DICER1: variants seen among roughly 807,000 people sequenced by gnomAD.
The protein encoded by DICER1 is dicer 1, ribonuclease III.
In DICER1, 43 loss-of-function variants were observed where a neutral mutation model predicts 194.1. That is an observed-to-expected ratio of 0.22 (90% confidence interval 0.17 to 0.29). The LOEUF is 0.29. Among genes scored for constraint, DICER1 ranks in the 10% least tolerant of loss-of-function variants. The probability of loss-of-function intolerance (pLI) is 1.00; values close to 1 mark genes in which losing one functional copy is unlikely to be tolerated. For synonymous variants in DICER1, 832 were observed against 820.5 expected (o/e 1.01, Z -0.24); for missense variants, 1,608 against 2,317.0 (o/e 0.69, Z 6.28).
rs761038319 is a variant in DICER1, at chr14:95,096,306, G to A, written c.4614C>T (p.Asp1538=). ...CGTAAGAAATGGACTGCTTTCCCGT[G>A]TCAACACCACAGTTTTCTTCTGATG... ...WNPSEENCGV[D]TGKQSISYDL... Residue 1538 remains aspartate, a synonymous_variant, in exon 23 of 27, where the codon GAC becomes GAT. Transcript: ENST00000343455. 2.5e-6 allele frequency: 4 copies of A among 1,614,150 alleles called. No homozygotes were observed. Among genetic ancestry groups the A allele is most frequent in the East Asian group, 2.2e-5 (1 of 44,884 alleles).
chr14:95,104,765 G>A (rs1891257034), intron 20 of DICER1, among the ~76,000 whole-genome samples: 1 of 152,138 alleles, frequency 6.6e-6, no homozygotes, highest in African/African-American at 2.4e-5. Context: ...TGAAGACAAA[G>A]AACATGCTAA....
intron 12 of DICER1, 41 bp downstream of exon 12, chr14:95,113,051 A>G: frequency 6.2e-7 from 1 of 1,602,864 alleles, no homozygotes; most frequent in Non-Finnish European, 8.5e-7. Context: ...CACTAATGAC[A>G]CATTTTAAAA....
At chr14:95,152,128 T>C (rs973023437) in intron 1 of DICER1, among the ~76,000 whole-genome samples, 4 of 152,176 alleles carry the variant, frequency 2.6e-5, no homozygotes, top group African/African-American at 7.2e-5. Flanking sequence ...TGGCATACAT[T>C]GAGCTGTCAA....
Position 95,105,951 on chromosome 14 carries a change from G to C in DICER1, c.2987+90C>G. ...CCTGATTTCAGATAGTCCACGGGTG[G>C]GCAGGGGGACAGTGAACCTCTGCAT... On this transcript the variant is annotated intron_variant, in intron 18 of 26. Coordinates refer to ENST00000343455, the MANE Select transcript of DICER1 (RefSeq NM_177438.3). This position sits in a 1 kb window ranked among gnomAD's most constrained non-coding sequence, Gnocchi z 4.9. 6.8e-7 allele frequency: 1 copy of C among 1,466,860 alleles called. No individual in the cohort carries two copies. The highest frequency in any genetic ancestry group is 9.6e-7 in the Non-Finnish European group (1 of 1,046,518). 90.9% of individuals were successfully genotyped at this position (1,466,860 alleles called of 1,614,324 possible).
At chr14:95,129,395 G>A in intron 6 of DICER1, 77 bp downstream of exon 6, 1 of 1,383,284 alleles carries the variant, frequency 7.2e-7, no homozygotes, top group Non-Finnish European at 1.0e-6. Flanking sequence ...CTCTCTGCAA[G>A]GTACTACAAA....
At chr14:95,104,699 G>A (rs1891252004) in intron 20 of DICER1, among the ~76,000 whole-genome samples, 1 of 152,196 alleles carries the variant, frequency 6.6e-6, no homozygotes, top group Non-Finnish European at 1.5e-5. Context: ...TAATGTGAGT[G>A]TTTAAGCCAA....
At chr14:95,142,453 C>T (rs965637225) in intron 1 of DICER1, among the ~76,000 whole-genome samples, 1 of 152,126 alleles carries the variant, frequency 6.6e-6, no homozygotes, top group Non-Finnish European at 1.5e-5. Flanking sequence ...TGCTGTGTCA[C>T]CCTCTAGAGA....
At chr14:95,122,053 T>C (rs926117575) in intron 8 of DICER1, among the ~76,000 whole-genome samples, 1 of 152,218 alleles carries the variant, frequency 6.6e-6, no homozygotes, top group Admixed American at 6.5e-5. Flanking sequence ...AAAAGCTTAC[T>C]GGAACAAGAC....
Position 95,095,811 on chromosome 14 carries a change from C to T in DICER1, c.5095+14G>A, listed in dbSNP as rs1298150717. ...CATTTTCCCAGAAATGAAGTCTGGT[C>T]GTGGGCTCCTTACCAGTGATAGTAT... On this transcript the variant is annotated intron_variant, in intron 23 of 26. Transcript: ENST00000343455. 4 of 1,613,530 alleles carry T rather than the reference C, an allele frequency of 2.5e-6. No homozygotes were observed. Among genetic ancestry groups the T allele is most frequent in the South Asian group, 1.1e-5 (1 of 90,982 alleles).
chr14:95,133,460 C>T lies in DICER1; in HGVS notation c.-2G>A. 1 of 1,611,678 alleles carries T rather than the reference C, an allele frequency of 6.2e-7. No homozygotes were observed. On this transcript the variant is annotated 5_prime_UTR_variant, in exon 2 of 27. It removes an upstream start codon present in the reference 5' UTR. Transcript: ENST00000343455. ...GGGTTGCAAAGCAGGGCTTTTCATTCATCCAGTGTTTCTTTCATTGCATTT... is the reference window on the plus strand; with the variant it reads ...GGGTTGCAAAGCAGGGCTTTTCATTTATCCAGTGTTTCTTTCATTGCATTT...
intron 1 of DICER1, among the ~76,000 whole-genome samples, chr14:95,145,014 T>C (rs541331176): frequency 6.6e-6 from 1 of 152,334 alleles, no homozygotes; most frequent in African/African-American, 2.4e-5. Context: ...TCCCACAGTT[T>C]ATCAACCCTA....
At position 95,099,738 on chromosome 14, in the gene DICER1, AC is replaced by A; in HGVS notation, c.4206+41del. On this transcript the variant is annotated intron_variant, in intron 22 of 26. Coordinates refer to ENST00000343455, the MANE Select transcript of DICER1 (RefSeq NM_177438.3). ...AAAGTAAATCCCTCCAGTTACACACACACACACACACACACACACACACACA... is the reference window on the plus strand; with the variant it reads ...AAAGTAAATCCCTCCAGTTACACACAACACACACACACACACACACACACA... 9.9e-7 allele frequency: 1 copy of A among 1,012,490 alleles called. No individual in the cohort carries two copies. The highest frequency in any genetic ancestry group is 8.6e-5 in the East Asian group (1 of 11,670). 62.7% of individuals were successfully genotyped at this position (1,012,490 alleles called of 1,614,324 possible). A position where few individuals can be genotyped will look rare whatever the true frequency, so the allele number is the denominator to read the frequency against.
At position 95,105,885 on chromosome 14, in the gene DICER1, T is replaced by C; in HGVS notation, c.2988-102A>G. The C allele has an allele frequency of 7.2e-7, 1 of 1,380,566 alleles. No homozygotes were observed. The highest frequency in any genetic ancestry group is 1.0e-6 in the Non-Finnish European group (1 of 968,872). The allele number at this position is 1,380,566 out of a possible 1,614,324, so 85.5% of individuals were successfully genotyped here. On this transcript the variant is annotated intron_variant, in intron 18 of 26. Transcript: ENST00000343455. The surrounding 1 kb of genome is among the most constrained non-coding windows in gnomAD (Gnocchi z 4.9). Reference sequence around the variant, plus strand: ...TGAAGAGCTCATTTCAACTACAGCCTCTTGGGCTACCCCTTGGGCAAGTTT... The same window carrying C: ...TGAAGAGCTCATTTCAACTACAGCCCCTTGGGCTACCCCTTGGGCAAGTTT...
At chr14:95,122,922 G>GCGCGTGCGTGTA in intron 8 of DICER1, among the ~76,000 whole-genome samples, 1 of 150,926 alleles carries the variant, frequency 6.6e-6, no homozygotes, top group East Asian at 2.0e-4. Context: ...AAGCGCGTGT[G>GCGCGTGCGTGTA]CGCGTGCGTG....
chr14:95,137,187 A>T (rs1894444458), intron 1 of DICER1, among the ~76,000 whole-genome samples: 1 of 149,826 alleles, frequency 6.7e-6, no homozygotes, highest in African/African-American at 2.5e-5. Flanking sequence ...GGGAAGGAGA[A>T]GGAAAAGGGG....
rs1277796753 is a variant in DICER1, at chr14:95,103,591, G to C, written c.3805C>G (p.Gln1269Glu). The change falls in exon 21 of 27, where the codon CAA (glutamine) becomes GAA (glutamate). Residue 1269 changes from glutamine to glutamate, a missense_variant. Around this residue, in one of 10 missense-constraint regions of DICER1, gnomAD observed 222 missense variants for 215.5 expected, o/e 1.03. Transcript: ENST00000343455. ...AVMPGTTDTI[Q>E]VLKGRMDSEQ... ...GAATCCATCCTGCCCTTGAGCACTTGAATAGTGTCTGTCGTACCAGGCATT... is the reference window on the plus strand; with the variant it reads ...GAATCCATCCTGCCCTTGAGCACTTCAATAGTGTCTGTCGTACCAGGCATT... The C allele has an allele frequency of 2.5e-6, 4 of 1,614,062 alleles. No homozygotes were observed. The African/African-American group carries it at 4.0e-5, about 16-fold the overall frequency.
rs767713370 is a variant in DICER1 at position 95,132,594 on chromosome 14, T to G, written c.228A>C (p.Leu76=). 6.2e-7 allele frequency: 1 copy of G among 1,613,686 alleles called. No homozygotes were observed. Residue 76 remains leucine (L), a synonymous_variant, in exon 3 of 27, where the codon CTA becomes CTC. Transcript: ENST00000343455. ...TGSGKTFIAV[L]LTKELSYQIR... ...TCTGATAGGACAGCTCTTTAGTGAGTAGTACTGCAATAAATGTCTTCCCTG... is the reference window on the plus strand; with the variant it reads ...TCTGATAGGACAGCTCTTTAGTGAGGAGTACTGCAATAAATGTCTTCCCTG...
At chr14:95,137,206 AG>A (rs1393996929) in intron 1 of DICER1, among the ~76,000 whole-genome samples, 1 of 146,676 alleles carries the variant, frequency 6.8e-6, no homozygotes, top group African/African-American at 2.5e-5. Context: ...GGAAGGGGAA[AG>A]GAAAAAGGGA....
Position 95,108,475 on chromosome 14 carries a change from G to C in DICER1, c.2285C>G (p.Pro762Arg). Residue 762 changes from proline to arginine, a missense_variant, in exon 15 of 27, where the codon CCC (proline) becomes CGC (arginine). This residue lies in a region of DICER1 where 657 missense variants were observed against 910.1 expected (regional missense o/e 0.72). Transcript: ENST00000343455. The stretch of plus-strand genomic sequence containing the variant: ...CAGGTAACAGGGCTGATCAGGTCTG[G>C]GATAACTATCCCTCAAACACTCTGG... Reference protein sequence around the residue: ...AIPECLRDSYPRPDQPCYLYV... With the variant: ...AIPECLRDSYRRPDQPCYLYV... 6.2e-7 allele frequency: 1 copy of C among 1,614,052 alleles called. No homozygotes were observed. The highest frequency in any genetic ancestry group is 2.2e-5 in the East Asian group (1 of 44,864).
Sources: gnomAD v4.1 joint callset for allele counts (sites outside exome capture counted in the v4.1 genomes callset) on GRCh38, gnomAD v4.1.1 for gene constraint, gnomAD v4.1.1 regional missense constraint, Gnocchi (gnomAD v3.1) non-coding constraint, MANE v1.5 for transcripts, NCBI Gene and HGNC (gene_info 2026-07-23, HGNC 2026-07-21) for gene names.